Variants in GRM8 observed in about 807,000 individuals in gnomAD.
GRM8 encodes the protein metabotropic glutamate receptor 8.
A neutral mutation model predicts 87.2 loss-of-function variants in GRM8; 47 were observed. That is an observed-to-expected ratio of 0.54 (90% CI 0.43 to 0.69). The LOEUF is 0.69. Ranked by LOEUF, GRM8 falls within the 30% of genes least tolerant of loss-of-function variation. The pLI, the probability that GRM8 is intolerant of heterozygous loss-of-function variation, is 0.00. For synonymous variants in GRM8, 396 were observed against 404.5 expected (o/e 0.98, Z 0.25); for missense variants, 1,019 against 1,139.2 (o/e 0.89, Z 1.52).
intron 8 of GRM8, among the ~76,000 whole-genome samples, chr7:126,565,282 A>G (rs903375250): frequency 6.6e-6 from 1 of 152,194 alleles, no homozygotes; most frequent in African/African-American, 2.4e-5. Flanking sequence ...CATTTTATGT[A>G]TAGAAAACTC....
chr7:126,660,486 A>G (rs567645801), intron 7 of GRM8, among the ~76,000 whole-genome samples: 14 of 152,314 alleles, frequency 9.2e-5, no homozygotes, highest in Non-Finnish European at 1.9e-4. Context: ...AATTTGTGCC[A>G]ACACTATATT....
intron 2 of GRM8, among the ~76,000 whole-genome samples, chr7:127,117,096 C>T (rs1430327488): frequency 6.6e-6 from 1 of 152,094 alleles, no homozygotes; most frequent in Non-Finnish European, 1.5e-5. Context: ...TAAATGTATA[C>T]TTATATTACT....
intron 3 of GRM8, among the ~76,000 whole-genome samples, chr7:126,907,025 A>T (rs182372937): frequency 1.5e-4 from 23 of 152,250 alleles, no homozygotes; most frequent in Non-Finnish European, 2.9e-4. Context: ...TATTGTGGGT[A>T]ACTCAGGCTT....
chr7:127,021,774 T>C (rs1490094827), intron 3 of GRM8, among the ~76,000 whole-genome samples: 2 of 152,140 alleles, frequency 1.3e-5, no homozygotes, highest in Non-Finnish European at 2.9e-5. Context: ...TAGTAATAGT[T>C]ATTAAGTTTG....
At position 126,533,024 on chromosome 7, in the gene GRM8, G is replaced by A. The variant is rs1319534396; in HGVS notation, c.2358C>T (p.Thr786=). 1.9e-6 allele frequency: 3 copies of A among 1,613,384 alleles called. No homozygotes were observed. The highest frequency in any genetic ancestry group is 2.5e-6 in the Non-Finnish European group (3 of 1,179,734). The change falls in exon 9 of 11, where the codon ACC becomes ACT. Residue 786 remains threonine, a synonymous_variant. Coordinates refer to ENST00000339582, the MANE Select transcript of GRM8 (RefSeq NM_000845.3). ...TFNEAKPIGF[T]MYTTCIIWLA... The stretch of plus-strand genomic sequence containing the variant: ...ACCAAATGATGCAGGTGGTATACAT[G>A]GTAAATCCAATAGGTTTGGCTTCAT...
rs6978127 is a variant in GRM8, at chr7:127,026,866, T to C, written c.727+79630A>G. Among the ~76,000 whole-genome samples, 1,295 of 152,316 alleles carry C rather than the reference T, an allele frequency of 8.5e-3. 28 individuals carry two copies. The highest frequency in any genetic ancestry group is 0.029 in the African/African-American group (1,223 of 41,576). On this transcript the variant is annotated intron_variant, in intron 3 of 10. Coordinates refer to ENST00000339582, the MANE Select transcript of GRM8 (RefSeq NM_000845.3). ...AGATCCCATTTGTCAATTTTGGCTT[T>C]TGTCATCATTGCTTTTGGTGTTTTA...
At chr7:126,980,622 A>G (rs566129766) in intron 3 of GRM8, among the ~76,000 whole-genome samples, 16 of 152,302 alleles carry the variant, frequency 1.1e-4, no homozygotes, top group Non-Finnish European at 2.2e-4. Flanking sequence ...ACTCTTAACT[A>G]TTTATATTCT....
At chr7:126,788,502 T>C (rs1310240068) in intron 6 of GRM8, among the ~76,000 whole-genome samples, 1 of 151,816 alleles carries the variant, frequency 6.6e-6, no homozygotes. Context: ...ATCCTACTTA[T>C]ACTACATCTT....
At chr7:126,776,480 C>T (rs949813784) in intron 6 of GRM8, among the ~76,000 whole-genome samples, 8 of 152,076 alleles carry the variant, frequency 5.3e-5, no homozygotes, top group African/African-American at 1.9e-4. Context: ...ATTAAAAGGA[C>T]TGATTTTTAA....
intron 2 of GRM8, among the ~76,000 whole-genome samples, chr7:127,176,279 C>T (rs1037548197): frequency 6.6e-6 from 1 of 151,964 alleles, no homozygotes; most frequent in Non-Finnish European, 1.5e-5. Flanking sequence ...AAAAAAGAAA[C>T]AAATGCAATT....
intron 9 of GRM8, among the ~76,000 whole-genome samples, chr7:126,483,448 T>TCTCCCTCCCTCC (rs533636162): frequency 2.9e-5 from 4 of 139,620 alleles, no homozygotes; most frequent in African/African-American, 8.2e-5. Flanking sequence ...TTCACTATTC[T>TCTCCCTCCCTCC]CTCCCTCCCT....
intron 7 of GRM8, among the ~76,000 whole-genome samples, chr7:126,640,988 T>C (rs1802323868): frequency 6.6e-6 from 1 of 152,154 alleles, no homozygotes; most frequent in Admixed American, 6.5e-5. Flanking sequence ...TGAATCAATA[T>C]ATTCTACTAT....
chr7:127,067,249 C>CA (rs996929109), intron 3 of GRM8, among the ~76,000 whole-genome samples: 2 of 151,870 alleles, frequency 1.3e-5, no homozygotes, highest in African/African-American at 4.8e-5. Flanking sequence ...ATTTCTAGAG[C>CA]AAAAAAATGC....
intron 2 of GRM8, among the ~76,000 whole-genome samples, chr7:127,155,902 C>T (rs1045062790): frequency 6.6e-6 from 1 of 152,104 alleles, no homozygotes; most frequent in Non-Finnish European, 1.5e-5. Context: ...TGGAAAACAA[C>T]AGAAGGCTAA....
intron 9 of GRM8, among the ~76,000 whole-genome samples, chr7:126,477,837 G>A (rs1186458691): frequency 6.6e-6 from 1 of 152,122 alleles, no homozygotes; most frequent in Admixed American, 6.6e-5. Context: ...CAAACTGGGT[G>A]GATAGAAGAA....
chr7:126,576,653 A>G (rs1263182982), intron 8 of GRM8, among the ~76,000 whole-genome samples: 1 of 152,112 alleles, frequency 6.6e-6, no homozygotes, highest in Non-Finnish European at 1.5e-5. Flanking sequence ...CTCTACAGAA[A>G]TCCTCTATCA....
At chr7:127,032,070 T>C (rs2132310277) in intron 3 of GRM8, among the ~76,000 whole-genome samples, 1 of 152,300 alleles carries the variant, frequency 6.6e-6, no homozygotes, top group African/African-American at 2.4e-5. Flanking sequence ...GAATTGGTCT[T>C]TCTTTTCTCC....
chr7:126,882,440 ACTT>A (rs1287275388), intron 6 of GRM8, among the ~76,000 whole-genome samples: 1 of 152,156 alleles, frequency 6.6e-6, no homozygotes, highest in African/African-American at 2.4e-5. Context: ...TTTTTGAGCT[ACTT>A]CTTATTACAA....
intron 6 of GRM8, among the ~76,000 whole-genome samples, chr7:126,780,349 T>C (rs544190167): frequency 3.9e-5 from 6 of 152,162 alleles, no homozygotes; most frequent in Non-Finnish European, 7.3e-5. Flanking sequence ...AATGAGTTAG[T>C]ATATATATTA....
Sources: gnomAD v4.1 joint callset for allele counts (sites outside exome capture counted in the v4.1 genomes callset) on GRCh38, gnomAD v4.1.1 for gene constraint, MANE v1.5 for transcripts, NCBI Gene and HGNC (gene_info 2026-07-23, HGNC 2026-07-21) for gene names.